SOX30: variants seen among roughly 807,000 people sequenced by gnomAD.
SOX30 encodes the protein SRY-box transcription factor 30.
SOX30 carries 17 observed loss-of-function variants against 58.6 expected under a neutral mutation model. That is an observed-to-expected ratio of 0.29 (90% CI 0.20 to 0.44). The LOEUF is 0.44. Ranked by LOEUF, SOX30 falls within the 20% of genes least tolerant of loss-of-function variation. The pLI is 1.00. For synonymous variants in SOX30, 421 were observed against 400.2 expected (o/e 1.05, Z -0.62); for missense variants, 951 against 965.8 (o/e 0.98, Z 0.20).
chr5:157,665,222 G>C (rs1395332685), intron 2 of SOX30, among the ~76,000 whole-genome samples: 1 of 152,158 alleles, frequency 6.6e-6, no homozygotes, highest in African/African-American at 2.4e-5. Flanking sequence ...TGATAGACTG[G>C]ATTAAGAAAA....
intron 3 of SOX30, among the ~76,000 whole-genome samples, chr5:157,646,019 C>CA (rs11441809): frequency 0.32 from 44,396 of 139,110 alleles, 7,987 homozygotes; most frequent in African/African-American, 0.51. Context: ...AACTCCATCT[C>CA]AAAAAAAAAA....
intron 3 of SOX30, among the ~76,000 whole-genome samples, chr5:157,645,708 T>A (rs1211492430): frequency 2.0e-5 from 3 of 150,768 alleles, no homozygotes; most frequent in Non-Finnish European, 3.0e-5. Context: ...TATAAAGCTC[T>A]CCCTTAAAGA....
intron 4 of SOX30, among the ~76,000 whole-genome samples, chr5:157,633,196 C>T (rs184728525): frequency 3.3e-5 from 5 of 152,302 alleles, no homozygotes; most frequent in African/African-American, 1.2e-4. Context: ...CCTTCACAGA[C>T]ATTAAAACTC....
chr5:157,646,949 G>A lies in SOX30; in HGVS notation c.1208-133C>T, dbSNP rs867750712. 2.0e-4 allele frequency: 134 copies of A among 668,136 alleles called. No homozygotes were observed. In the Middle Eastern group the frequency reaches 2.4e-3, roughly 12 times the overall value. The allele number at this position is 668,136 out of a possible 1,614,324, so 41.4% of individuals were successfully genotyped here. A position where few individuals can be genotyped will look rare whatever the true frequency, so the allele number is the denominator to read the frequency against. ...TGTCTAAAGTATCTTTTCCAGCTCC[G>A]GGATATTATTTCAGTGAATGACTTC... On this transcript the variant is annotated intron_variant, in intron 2 of 4. Transcript: ENST00000265007.
chr5:157,647,174 GC>G (rs1186815541), intron 2 of SOX30, among the ~76,000 whole-genome samples: 3 of 151,276 alleles, frequency 2.0e-5, no homozygotes, highest in African/African-American at 7.3e-5. Context: ...TGATTCTCCT[GC>G]CTCAGCCTCC....
rs1758672217 is a variant in SOX30, at chr5:157,626,997, G to C, written c.1881-276C>G. Among the ~76,000 whole-genome samples, 3 of 152,138 alleles carry C rather than the reference G, an allele frequency of 2.0e-5. No homozygotes were observed. The South Asian group carries it at 6.2e-4, about 32-fold the overall frequency. On this transcript the variant is annotated intron_variant, in intron 4 of 4. Coordinates refer to ENST00000265007, the MANE Select transcript of SOX30 (RefSeq NM_178424.2). The stretch of plus-strand genomic sequence containing the variant: ...CCATGATAACAAAATTGCTTATTCT[G>C]GTCTTTCTCTCATGATGCCTCATAC...
intron 4 of SOX30, among the ~76,000 whole-genome samples, chr5:157,636,814 C>T (rs568005448): frequency 6.6e-6 from 1 of 152,210 alleles, no homozygotes; most frequent in South Asian, 2.1e-4. Flanking sequence ...TCTTTGTCTA[C>T]ACATTTAACA....
chr5:157,642,024 T>A (rs1759074991), intron 3 of SOX30, among the ~76,000 whole-genome samples: 2 of 152,018 alleles, frequency 1.3e-5, no homozygotes, highest in African/African-American at 4.8e-5. Context: ...TAAAATGAAA[T>A]CAGCTTGAGG....
At chr5:157,636,221 G>A (rs1256561548) in intron 4 of SOX30, among the ~76,000 whole-genome samples, 1 of 152,166 alleles carries the variant, frequency 6.6e-6, no homozygotes, top group Non-Finnish European at 1.5e-5. Flanking sequence ...AGTAAATAGG[G>A]TCCAAGCATT....
chr5:157,665,578 C>T (rs1249884724), intron 2 of SOX30, among the ~76,000 whole-genome samples: 1 of 148,566 alleles, frequency 6.7e-6, no homozygotes, highest in Non-Finnish European at 1.5e-5. Context: ...TGCACATGTA[C>T]CCTAAAACTT....
intron 4 of SOX30, among the ~76,000 whole-genome samples, chr5:157,628,828 A>G (rs1758723159): frequency 6.6e-6 from 1 of 151,986 alleles, no homozygotes; most frequent in Non-Finnish European, 1.5e-5. Flanking sequence ...TTTAGTAGAG[A>G]TGGGGTTTCA....
At chr5:157,662,217 G>T (rs992400417) in intron 2 of SOX30, among the ~76,000 whole-genome samples, 1 of 151,794 alleles carries the variant, frequency 6.6e-6, no homozygotes, top group Admixed American at 6.6e-5. Context: ...TCCCAATTTT[G>T]GTAATTTCTG....
Position 157,652,277 on chromosome 5 carries a change from G to T in SOX30, c.-199C>A. 8.0e-7 allele frequency: 1 copy of T among 1,251,616 alleles called. No homozygotes were observed. The highest frequency in any genetic ancestry group is 1.0e-6 in the Non-Finnish European group (1 of 1,001,348). 77.5% of individuals were successfully genotyped at this position (1,251,616 alleles called of 1,614,324 possible). ...ACGGCCAATCACAGGCGGGTTTTCC[G>T]GCTCTTCCTGGTCCCTACTCTCGCC... On this transcript the variant is annotated 5_prime_UTR_variant, in exon 1 of 5. Coordinates refer to ENST00000265007, the MANE Select transcript of SOX30 (RefSeq NM_178424.2).
chr5:157,634,586 T>A (rs138944982), intron 4 of SOX30, among the ~76,000 whole-genome samples: 1 of 152,044 alleles, frequency 6.6e-6, no homozygotes, highest in South Asian at 2.1e-4. Flanking sequence ...TATAAGTATA[T>A]CTCAAATGTC....
chr5:157,647,497 T>C (rs572703385), intron 2 of SOX30, among the ~76,000 whole-genome samples: 2 of 152,184 alleles, frequency 1.3e-5, no homozygotes, highest in Admixed American at 6.5e-5. Context: ...TCATCTCATT[T>C]CCTCACTTTC....
chr5:157,637,089 C>T (rs570148902), intron 4 of SOX30, among the ~76,000 whole-genome samples: 16 of 146,400 alleles, frequency 1.1e-4, no homozygotes, highest in African/African-American at 3.6e-4. Flanking sequence ...GCCAAGATCG[C>T]GCCATTGCAC....
intron 3 of SOX30, among the ~76,000 whole-genome samples, chr5:157,645,960 T>C (rs1365407867): frequency 1.3e-5 from 2 of 149,322 alleles, no homozygotes; most frequent in Non-Finnish European, 3.0e-5. Context: ...GCGGAGGTTG[T>C]GGTGAGCTGA....
chr5:157,646,912 A>C (rs1759206017), intron 2 of SOX30, 96 bp from the exon 3 acceptor site: 1 of 872,300 alleles, frequency 1.1e-6, no homozygotes, highest in East Asian at 2.5e-5. Flanking sequence ...AAGTGTTTTA[A>C]AAACAAATTA....
In SOX30 at chr5:157,651,784, G is replaced by A. The variant is rs1414318688; in HGVS notation, c.295C>T (p.Arg99Trp). ...AGGTCGGGCCTGAACTGCAACAGCCGCGCCTGCGCGGACGAGGCAGCGGCT... is the reference window on the plus strand; with the variant it reads ...AGGTCGGGCCTGAACTGCAACAGCCACGCCTGCGCGGACGAGGCAGCGGCT... ...EEAAASSAQA[R>W]LLQFRPDLRL... The change falls in exon 1 of 5, where the codon CGG (arginine) becomes TGG (tryptophan). Residue 99 changes from arginine to tryptophan, a missense_variant. Coordinates refer to ENST00000265007, the MANE Select transcript of SOX30 (RefSeq NM_178424.2). 1.3e-6 allele frequency: 2 copies of A among 1,568,818 alleles called. No homozygotes were observed. Among genetic ancestry groups the A allele is most frequent in the Non-Finnish European group, 8.6e-7 (1 of 1,160,924 alleles).
Sources: allele counts gnomAD v4.1 joint callset (sites outside exome capture counted in the v4.1 genomes callset), GRCh38; gene constraint gnomAD v4.1.1; transcripts MANE v1.5; gene names NCBI Gene and HGNC (gene_info 2026-07-23, HGNC 2026-07-21).